Variants in EXTL3 observed in about 807,000 individuals in gnomAD.
EXTL3 encodes the protein exostosin like glycosyltransferase 3.
Under a neutral mutation model 69.3 loss-of-function variants are expected in EXTL3, and 27 were observed. The ratio of observed to expected loss-of-function variants is 0.39; its 90% CI spans 0.29 to 0.54. The LOEUF (loss-of-function observed/expected upper bound fraction) is 0.54, where lower values mean the gene tolerates loss of function less well. EXTL3 is among the 20% of genes least tolerant of loss of function. The pLI is 0.69. For missense variants in EXTL3, 1,003 were observed against 1,231.8 expected (o/e 0.81, Z 2.78); for synonymous variants, 511 against 499.4 (o/e 1.02, Z -0.31).
intron 1 of EXTL3, among the ~76,000 whole-genome samples, chr8:28,661,809 C>A: frequency 6.6e-6 from 1 of 151,548 alleles, no homozygotes; most frequent in Non-Finnish European, 1.5e-5. Flanking sequence ...TGCTTGAACC[C>A]GGGAGGCAGA....
At chr8:28,658,776 G>A (rs1807055960) in intron 1 of EXTL3, among the ~76,000 whole-genome samples, 1 of 152,012 alleles carries the variant, frequency 6.6e-6, no homozygotes, top group South Asian at 2.1e-4. Flanking sequence ...AGATGGGGTT[G>A]TGTTGTGTTT....
At chr8:28,730,068 G>A (rs1241924296) in intron 3 of EXTL3, 1 of 152,222 alleles carries the variant, frequency 6.6e-6, no homozygotes, top group African/African-American at 2.4e-5. Context: ...CTCCTGGCAA[G>A]GAGGGTGTGG....
At chr8:28,756,064 T>C (rs1450849759), downstream of EXTL3, among the ~76,000 whole-genome samples, 1 of 152,234 alleles carries the variant, frequency 6.6e-6, no homozygotes, top group Non-Finnish European at 1.5e-5. Context: ...CTGTTCATTA[T>C]AGGTCAATGT....
At chr8:28,707,810 T>C (rs1487917273) in intron 1 of EXTL3, among the ~76,000 whole-genome samples, 1 of 152,152 alleles carries the variant, frequency 6.6e-6, no homozygotes, top group Non-Finnish European at 1.5e-5. Flanking sequence ...GGTAAAACAA[T>C]ACGATTTGGA....
rs1387176061 is a variant in EXTL3, at chr8:28,623,364, C to G, written c.-53+554C>G. On this transcript the variant is annotated intron_variant, in intron 1 of 6. Transcript: ENST00000523149. The surrounding 1 kb of genome is among the most constrained non-coding windows in gnomAD (Gnocchi z 4.2). Reference sequence around the variant, plus strand: ...ATGCGGACCCCAAAGCCAGCCGTACCTGCGAGCCCCTCAGCACAGCTGACT... The same window carrying G: ...ATGCGGACCCCAAAGCCAGCCGTACGTGCGAGCCCCTCAGCACAGCTGACT... Among the ~76,000 whole-genome samples, 2 of 152,236 alleles carry G rather than the reference C, an allele frequency of 1.3e-5. No homozygotes were observed. The highest frequency in any genetic ancestry group is 4.8e-5 in the African/African-American group (2 of 41,450).
chr8:28,613,810 C>A (rs900377432), intron 2 of EXTL3, among the ~76,000 whole-genome samples: 1 of 151,528 alleles, frequency 6.6e-6, no homozygotes, highest in African/African-American at 2.4e-5. Context: ...GTAGTGATGG[C>A]CTCTCTTTTT....
At chr8:28,720,838 C>T (rs559315907) in intron 3 of EXTL3, among the ~76,000 whole-genome samples, 1 of 152,248 alleles carries the variant, frequency 6.6e-6, no homozygotes, top group Non-Finnish European at 1.5e-5. Flanking sequence ...TCCCTTAGCT[C>T]CTGGAGCATA....
chr8:28,640,938 T>A (rs946526945), intron 1 of EXTL3, among the ~76,000 whole-genome samples: 18 of 151,518 alleles, frequency 1.2e-4, no homozygotes, highest in Middle Eastern at 3.4e-3. Flanking sequence ...GTAGTATGAT[T>A]TTTTTTTTCT....
At chr8:28,666,696 C>T (rs1265916283) in intron 1 of EXTL3, among the ~76,000 whole-genome samples, 1 of 152,210 alleles carries the variant, frequency 6.6e-6, no homozygotes, top group African/African-American at 2.4e-5. Flanking sequence ...GTGCCTCAGC[C>T]TCCCCAGTAG....
intron 1 of EXTL3, among the ~76,000 whole-genome samples, chr8:28,663,726 A>G (rs1170781498): frequency 6.6e-6 from 1 of 152,142 alleles, no homozygotes; most frequent in African/African-American, 2.4e-5. Flanking sequence ...TGCTGGAATT[A>G]CAGGTGTGAG....
At chr8:28,622,571 AG>A (rs1346002433), upstream of EXTL3, among the ~76,000 whole-genome samples, 3 of 11,550 alleles carry the variant, frequency 2.6e-4, no homozygotes, top group Middle Eastern at 0.033. Flanking sequence ...GCGGGGCGTT[AG>A]GGGGCGGGGC....
At chr8:28,613,847 A>AT (rs35761066) in intron 2 of EXTL3, among the ~76,000 whole-genome samples, 12,583 of 146,580 alleles carry the variant, frequency 0.086, 1,398 homozygotes, top group African/African-American at 0.27. Context: ...TCACAGGTGT[A>AT]TTTTTTTTTT....
upstream of EXTL3, chr8:28,700,402 C>T (rs960897120): frequency 1.3e-5 from 2 of 152,128 alleles, no homozygotes; most frequent in African/African-American, 2.4e-5. Context: ...TATCCTTAGC[C>T]CAAGCTGTCC....
chr8:28,677,303 T>A (rs917246908), intron 1 of EXTL3, among the ~76,000 whole-genome samples: 5 of 152,258 alleles, frequency 3.3e-5, no homozygotes, highest in East Asian at 1.9e-4. Context: ...ATTATTTTTT[T>A]AAAAATCTAA....
intron 1 of EXTL3, among the ~76,000 whole-genome samples, chr8:28,710,012 T>C (rs1801001591): frequency 6.6e-6 from 1 of 152,210 alleles, no homozygotes; most frequent in Admixed American, 6.5e-5. Context: ...CGACTTCTGC[T>C]TTGCATTTGT....
intron 1 of EXTL3, among the ~76,000 whole-genome samples, chr8:28,690,664 T>G (rs1056833508): frequency 1.3e-5 from 2 of 152,204 alleles, no homozygotes; most frequent in African/African-American, 4.8e-5. Flanking sequence ...CCAATCTTAT[T>G]CATGTGGCTG....
At chr8:28,681,620 A>G (rs1412028770) in intron 1 of EXTL3, among the ~76,000 whole-genome samples, 2 of 152,204 alleles carry the variant, frequency 1.3e-5, no homozygotes, top group Non-Finnish European at 2.9e-5. Flanking sequence ...GTGCAGATAT[A>G]TCTTTAACAT....
chr8:28,661,364 CACAT>C (rs1309485118), intron 1 of EXTL3, among the ~76,000 whole-genome samples: 2 of 151,662 alleles, frequency 1.3e-5, no homozygotes, highest in East Asian at 1.9e-4. Context: ...TATACACACA[CACAT>C]ATACACACAA....
chr8:28,666,599 A>G (rs530598238), intron 1 of EXTL3, among the ~76,000 whole-genome samples: 9 of 151,860 alleles, frequency 5.9e-5, no homozygotes, highest in African/African-American at 1.9e-4. Flanking sequence ...TATTTGAGAC[A>G]GAGTTTCACT....
Sources: allele counts gnomAD v4.1 joint callset (sites outside exome capture counted in the v4.1 genomes callset), GRCh38; gene constraint gnomAD v4.1.1; non-coding constraint Gnocchi (gnomAD v3.1); transcripts MANE v1.5; gene names NCBI Gene and HGNC (gene_info 2026-07-23, HGNC 2026-07-21).